The following WDR33 variants were observed in gnomAD, a reference collection of about 807,000 sequenced individuals.
WDR33 encodes the protein pre-mRNA 3' end processing protein WDR33.
A neutral mutation model predicts 164.9 loss-of-function variants in WDR33; 47 were observed. That is an observed-to-expected ratio of 0.29 (90% CI 0.23 to 0.36). The LOEUF is 0.36. Ranked by LOEUF, WDR33 falls within the 10% of genes least tolerant of loss-of-function variation. The probability of loss-of-function intolerance (pLI) is 1.00; values close to 1 mark genes in which losing one functional copy is unlikely to be tolerated. For missense variants in WDR33, 1,137 were observed against 1,754.1 expected (o/e 0.65, Z 6.28); for synonymous variants, 505 against 589.0 (o/e 0.86, Z 2.06).
chr2:127,805,576 G>C (rs73955218), intron 1 of WDR33, among the ~76,000 whole-genome samples: 2 of 152,088 alleles, frequency 1.3e-5, no homozygotes, highest in Non-Finnish European at 2.9e-5. Flanking sequence ...CTAGCTGTTT[G>C]TGGTGACAGA....
intron 1 of WDR33, among the ~76,000 whole-genome samples, chr2:127,785,245 A>G (rs937569337): frequency 1.3e-5 from 2 of 152,160 alleles, no homozygotes; most frequent in Non-Finnish European, 2.9e-5. Context: ...CAACACACAC[A>G]GCCCTCCCCA....
chr2:127,749,505 T>C (rs957179147), intron 7 of WDR33, among the ~76,000 whole-genome samples: 1 of 151,388 alleles, frequency 6.6e-6, no homozygotes, highest in African/African-American at 2.4e-5. Flanking sequence ...CTACTAAAAA[T>C]ACAAAAATTA....
At position 127,720,915 on chromosome 2, in the gene WDR33, A is replaced by G. The variant is rs572212884; in HGVS notation, c.1672-562T>C. ...GGGAAAGCCCAATAATTCACCACTA[A>G]TTCATCATTCTTGGTAGCTAACATA... On this transcript the variant is annotated intron_variant, in intron 15 of 21. Coordinates refer to ENST00000322313, the MANE Select transcript of WDR33 (RefSeq NM_018383.5). This position sits in a 1 kb window ranked among gnomAD's most constrained non-coding sequence, Gnocchi z 5.9. 1.3e-5 allele frequency among the ~76,000 whole-genome samples: 2 copies of G among 152,250 alleles called. No individual in the cohort carries two copies. Among genetic ancestry groups the G allele is most frequent in the Admixed American group, 1.3e-4 (2 of 15,292 alleles).
In WDR33 at chr2:127,714,115, T is replaced by G. The variant is rs765857672; in HGVS notation, c.2870-94A>C. 1 of 1,300,064 alleles carries G rather than the reference T, an allele frequency of 7.7e-7. No individual in the cohort carries two copies. Among genetic ancestry groups the G allele is most frequent in the Non-Finnish European group, 1.0e-6 (1 of 991,794 alleles). 80.5% of individuals were successfully genotyped at this position (1,300,064 alleles called of 1,614,324 possible). On this transcript the variant is annotated intron_variant, in intron 17 of 21. Transcript: ENST00000322313. The surrounding 1 kb of genome is among the most constrained non-coding windows in gnomAD (Gnocchi z 4.3). Reference sequence around the variant, plus strand: ...CATCTCTACATTTCAGAATACATTCTTTATTGAGAATGTTTTCCCTCCTTG... The same window carrying G: ...CATCTCTACATTTCAGAATACATTCGTTATTGAGAATGTTTTCCCTCCTTG...
At position 127,716,787 on chromosome 2, in the gene WDR33, A is replaced by G. The variant is rs1449901856; in HGVS notation, c.2869+368T>C. Among the ~76,000 whole-genome samples, 10 of 152,206 alleles carry G rather than the reference A, an allele frequency of 6.6e-5. No individual in the cohort carries two copies. The highest frequency in any genetic ancestry group is 6.5e-4 in the Admixed American group (10 of 15,282). On this transcript the variant is annotated intron_variant, in intron 17 of 21. Transcript: ENST00000322313. This position sits in a 1 kb window ranked among gnomAD's most constrained non-coding sequence, Gnocchi z 4.5. The stretch of plus-strand genomic sequence containing the variant: ...TTGGGAAGACAAGGATGTGATGACA[A>G]AAACACTGTCACACAATTCAAGCAC...
chr2:127,752,198 A>G (rs2105417840), intron 7 of WDR33, among the ~76,000 whole-genome samples: 1 of 152,326 alleles, frequency 6.6e-6, no homozygotes, highest in South Asian at 2.1e-4. Context: ...CTTCCTTATC[A>G]CTAAATGGAG....
chr2:127,754,251 C>G (rs1217544027), intron 7 of WDR33, among the ~76,000 whole-genome samples: 2 of 152,174 alleles, frequency 1.3e-5, no homozygotes, highest in Non-Finnish European at 2.9e-5. Context: ...GACTTTCAGA[C>G]TTTAGGTCTG....
intron 5 of WDR33, 32 bp downstream of exon 5, chr2:127,765,142 G>C: frequency 6.3e-7 from 1 of 1,595,160 alleles, no homozygotes; most frequent in Non-Finnish European, 8.6e-7. Flanking sequence ...CAGTACCACA[G>C]GATGATGATA....
chr2:127,768,439 C>T (rs1438241397), intron 3 of WDR33, 146 bp from the exon 4 acceptor site: 5 of 507,602 alleles, frequency 9.9e-6, no homozygotes, highest in African/African-American at 5.9e-5. Flanking sequence ...TAAAGTATTA[C>T]AATTAGTCTA....
intron 1 of WDR33, among the ~76,000 whole-genome samples, chr2:127,773,832 C>T (rs1258882706): frequency 5.9e-5 from 9 of 151,760 alleles, no homozygotes; most frequent in Admixed American, 2.6e-4. Flanking sequence ...GGTGCGATCT[C>T]GGCTCACTGC....
rs543756425 is a variant in WDR33, at chr2:127,790,375, T to C, written c.-23-19371A>G. Among the ~76,000 whole-genome samples the C allele has an allele frequency of 2.4e-3, 363 of 152,336 alleles. 3 individuals are homozygous for C. Among genetic ancestry groups the C allele is most frequent in the African/African-American group, 8.2e-3 (340 of 41,580 alleles). On this transcript the variant is annotated intron_variant, in intron 1 of 21. Transcript: ENST00000322313. The stretch of plus-strand genomic sequence containing the variant: ...TATTTTGTTGTGACTTCTGAATCTA[T>C]ATTCATGAGGGATACTGGTGTGGTT...
chr2:127,799,605 C>T (rs1376798404), intron 1 of WDR33, among the ~76,000 whole-genome samples: 9 of 151,812 alleles, frequency 5.9e-5, no homozygotes, highest in African/African-American at 1.9e-4. Context: ...GACCAGCCTG[C>T]GCAACATGGC....
At chr2:127,807,738 T>G (rs189142787) in intron 1 of WDR33, among the ~76,000 whole-genome samples, 1 of 152,136 alleles carries the variant, frequency 6.6e-6, no homozygotes, top group African/African-American at 2.4e-5. Context: ...TTGTAGAAAA[T>G]TCATTCTTCA....
intron 7 of WDR33, among the ~76,000 whole-genome samples, chr2:127,727,738 A>T (rs1686605923): frequency 6.6e-6 from 1 of 152,252 alleles, no homozygotes; most frequent in Non-Finnish European, 1.5e-5. Flanking sequence ...AGCCCCAAGG[A>T]TATTTTACAT....
chr2:127,742,542 G>GAAACT (rs1687049518), intron 7 of WDR33, among the ~76,000 whole-genome samples: 1 of 143,626 alleles, frequency 7.0e-6, no homozygotes, highest in African/African-American at 2.7e-5. Flanking sequence ...AAAAAAAAAG[G>GAAACT]GAAGAAAAAA....
chr2:127,722,075 C>T lies in WDR33; in HGVS notation c.1519-87G>A, dbSNP rs1686455511. The T allele has an allele frequency of 6.9e-7, 1 of 1,453,262 alleles. No individual in the cohort carries two copies. The highest frequency in any genetic ancestry group is 1.4e-5 in the African/African-American group (1 of 69,688). The allele number at this position is 1,453,262 out of a possible 1,614,324, so 90.0% of individuals were successfully genotyped here. A position where few individuals can be genotyped will look rare whatever the true frequency, so the allele number is the denominator to read the frequency against. ...GAAAACCACTCTACAATGTCATCTG[C>T]TCAATCTAACCTCTGAACCGATTTT... On this transcript the variant is annotated intron_variant, in intron 14 of 21. Coordinates refer to ENST00000322313, the MANE Select transcript of WDR33 (RefSeq NM_018383.5). The surrounding 1 kb of genome is among the most constrained non-coding windows in gnomAD (Gnocchi z 5.1).
chr2:127,746,759 T>A (rs1165040502), intron 7 of WDR33, among the ~76,000 whole-genome samples: 1 of 152,206 alleles, frequency 6.6e-6, no homozygotes. Context: ...AAGAGGAGGT[T>A]TAACAACATT....
intron 1 of WDR33, among the ~76,000 whole-genome samples, chr2:127,771,453 T>C (rs1002926492): frequency 6.6e-6 from 1 of 152,142 alleles, no homozygotes; most frequent in Non-Finnish European, 1.5e-5. Context: ...ATATATGTGG[T>C]CCAGCATTGA....
rs537674132 is a variant in WDR33 at position 127,714,013 on chromosome 2, G to A, written c.2878C>T (p.Arg960Cys). ...QGPGPNKGDSRGPPNHHMGPM... is the reference protein window; with the variant it reads ...QGPGPNKGDSCGPPNHHMGPM... ...CCCATGTGATGGTTTGGAGGGCCGC[G>A]GGAGTCACCTAAAGGAAACAAAGCT... Residue 960 changes from arginine (R) to cysteine (C), a missense_variant, in exon 18 of 22, where the codon CGC (arginine) becomes TGC (cysteine). Arg to Cys is a radical substitution (Grantham distance 180). This residue lies in a region of WDR33 where 867 missense variants were observed against 1,073.0 expected (regional missense o/e 0.81). Transcript: ENST00000322313. The surrounding 1 kb of genome is among the most constrained non-coding windows in gnomAD (Gnocchi z 4.3). 1.1e-5 allele frequency: 17 copies of A among 1,518,394 alleles called. No homozygotes were observed. Among genetic ancestry groups the A allele is most frequent in the African/African-American group, 1.1e-4 (8 of 72,030 alleles). The allele number at this position is 1,518,394 out of a possible 1,614,324, so 94.1% of individuals were successfully genotyped here. A position where few individuals can be genotyped will look rare whatever the true frequency, so the allele number is the denominator to read the frequency against.
Sources: gnomAD v4.1 joint callset for allele counts (sites outside exome capture counted in the v4.1 genomes callset) on GRCh38, gnomAD v4.1.1 for gene constraint, gnomAD v4.1.1 regional missense constraint, Gnocchi (gnomAD v3.1) non-coding constraint, MANE v1.5 for transcripts, NCBI Gene and HGNC (gene_info 2026-07-23, HGNC 2026-07-21) for gene names.